Variants in GAS2L1 observed in about 807,000 individuals in gnomAD.
GAS2L1 encodes the protein GAS2-like protein 1.
A neutral mutation model predicts 44.0 loss-of-function variants in GAS2L1; 26 were observed. That is an observed-to-expected ratio of 0.59 (90% CI 0.43 to 0.82). GAS2L1 has a LOEUF of 0.82. Among genes scored for constraint, GAS2L1 ranks in the 40% least tolerant of loss-of-function variants. The pLI is 0.00. For missense variants in GAS2L1, 1,006 were observed against 983.0 expected, an observed-to-expected ratio of 1.02 and a Z score of -0.31; for synonymous variants, 426 against 415.9, an observed-to-expected ratio of 1.02 and a Z score of -0.30.
chr22:29,308,868 G>A (rs765975642), intron 1 of GAS2L1, 130 bp downstream of exon 2: 11 of 710,504 alleles, frequency 1.5e-5, no homozygotes, highest in Non-Finnish European at 2.3e-5. Flanking sequence ...TGCACATGTT[G>A]AGCACCAAAC....
exon 5 of GAS2L1, chr22:29,312,258 G>T: frequency 6.2e-7 from 1 of 1,612,206 alleles, no homozygotes; most frequent in Non-Finnish European, 8.5e-7. Context: ...CAGCTCCTCC[G>T]ATGAAGGCAG....
At position 29,308,667 on chromosome 22, in the gene GAS2L1, G is replaced by GC. The variant is rs1325649633; in HGVS notation, c.567dup (p.Ala190ArgfsTer34). 6.5e-7 allele frequency: 1 copy of GC among 1,529,140 alleles called. No individual in the cohort carries two copies. 94.7% of individuals were successfully genotyped at this position (1,529,140 alleles called of 1,614,324 possible). A position where few individuals can be genotyped will look rare whatever the true frequency, so the allele number is the denominator to read the frequency against. On this transcript the variant is annotated frameshift_variant, in exon 1 of 5. Coordinates refer to ENST00000618518, the Ensembl canonical transcript of GAS2L1. LOFTEE classifies it high-confidence loss of function. Reference sequence around the variant, plus strand: ...CGCTGGGGAGGACACCACTGAAACCGCCCCCGCACCAGGGACTCCTGCCCG... The same window carrying GC: ...CGCTGGGGAGGACACCACTGAAACCGCCCCCCGCACCAGGGACTCCTGCCCG...
At position 29,312,231 on chromosome 22, in the gene GAS2L1, C is replaced by T. The variant is rs574763262; in HGVS notation, c.1780C>T (p.Arg594Ter). ...GACGGCCAATGGGCTGCCTGGGCCC[C>T]GAAGCCAAGCCCTTTCCAGCTCCTC... Residue 594 changes from arginine (R) to a stop codon, truncating the protein, a stop_gained, in exon 5 of 5, where the codon CGA becomes TGA. Coordinates refer to ENST00000618518, the Ensembl canonical transcript of GAS2L1. LOFTEE classifies it high-confidence loss of function. 4.3e-6 allele frequency: 7 copies of T among 1,613,002 alleles called. No individual in the cohort carries two copies. The highest frequency in any genetic ancestry group is 5.9e-6 in the Non-Finnish European group (7 of 1,179,818).
exon 5 of GAS2L1, chr22:29,311,822 G>C: frequency 6.3e-7 from 1 of 1,590,170 alleles, no homozygotes; most frequent in South Asian, 1.1e-5. Flanking sequence ...AGCACTCATG[G>C]GTGCCAAGGG....
exon 1 of GAS2L1, chr22:29,308,374 A>C (rs757900487): frequency 6.2e-7 from 1 of 1,606,892 alleles, no homozygotes; most frequent in Non-Finnish European, 8.5e-7. Context: ...TTCCAGGCGC[A>C]CAGTGTAGTG....
chr22:29,310,874 G>A (rs1287202525), exon 4 of GAS2L1: 2 of 1,612,968 alleles, frequency 1.2e-6, no homozygotes, highest in African/African-American at 2.7e-5. Flanking sequence ...TCCACAGAGG[G>A]TGTCGCCCAC....
chr22:29,310,451 C>T, exon 2 of GAS2L1: 1 of 1,601,520 alleles, frequency 6.2e-7, no homozygotes, highest in East Asian at 2.2e-5. Context: ...GAGGGAGATT[C>T]TGGGCCGCTG....
exon 1 of GAS2L1, chr22:29,308,119 T>G: frequency 2.6e-6 from 4 of 1,558,626 alleles, no homozygotes; most frequent in Non-Finnish European, 3.5e-6. Flanking sequence ...GCAGACCCAG[T>G]GGCGGGCATC....
At chr22:29,307,090 G>C (rs1173474262) in exon 1 of GAS2L1, 1 of 151,902 alleles carries the variant, frequency 6.6e-6, no homozygotes, top group Non-Finnish European at 1.5e-5. Context: ...GCCTCCCTGC[G>C]GCGGCCCGGC....
At chr22:29,311,781 G>A in exon 5 of GAS2L1, 1 of 1,561,562 alleles carries the variant, frequency 6.4e-7, no homozygotes, top group South Asian at 1.2e-5. Flanking sequence ...GGAGCAGGCT[G>A]TGCTGCTTGT....
exon 5 of GAS2L1, chr22:29,312,357 A>G (rs1241062962): frequency 6.2e-7 from 1 of 1,604,090 alleles, no homozygotes; most frequent in South Asian, 1.1e-5. Context: ...ACGGGGTCGG[A>G]TGGACACACA....
exon 5 of GAS2L1, chr22:29,311,531 C>T (rs1477010249): frequency 1.3e-6 from 2 of 1,542,334 alleles, no homozygotes; most frequent in Non-Finnish European, 1.7e-6. Flanking sequence ...CCTCAGCCTC[C>T]TCCGCCCAGA....
intron 1 of GAS2L1, among the ~76,000 whole-genome samples, chr22:29,309,143 G>A (rs977975612): frequency 2.0e-5 from 3 of 152,196 alleles, no homozygotes; most frequent in African/African-American, 4.8e-5. Flanking sequence ...GAGGTTGAGC[G>A]GGTGCTGTGA....
In GAS2L1 at chr22:29,308,741, G is replaced by T; in HGVS notation, c.633+3G>T. 1 of 1,486,456 alleles carries T rather than the reference G, an allele frequency of 6.7e-7. No individual in the cohort carries two copies. Among genetic ancestry groups the T allele is most frequent in the East Asian group, 2.3e-5 (1 of 42,732 alleles). The allele number at this position is 1,486,456 out of a possible 1,614,324, so 92.1% of individuals were successfully genotyped here. Reference sequence around the variant, plus strand: ...ACCTGCGCAACCTCGACGAGCTGGTGAGTCCCCCAGCACCAGGTGCCAGGG... The same window carrying T: ...ACCTGCGCAACCTCGACGAGCTGGTTAGTCCCCCAGCACCAGGTGCCAGGG... On this transcript the variant is annotated splice_donor_region_variant and intron_variant, in intron 1 of 4. Transcript: ENST00000618518.
chr22:29,311,808 G>A (rs1408319754), exon 5 of GAS2L1: 3 of 1,585,918 alleles, frequency 1.9e-6, no homozygotes, highest in Non-Finnish European at 2.6e-6. Flanking sequence ...GGATCGAGAC[G>A]GGCAGCACTC....
At chr22:29,310,303 G>C in intron 1 of GAS2L1, 136 bp from the exon 3 acceptor site, 1 of 636,198 alleles carries the variant, frequency 1.6e-6, no homozygotes, top group Non-Finnish European at 2.9e-6. Context: ...TGTGGAAGCT[G>C]TACCCCATCC....
chr22:29,308,270 G>C (rs750747513), exon 1 of GAS2L1: 21 of 1,608,318 alleles, frequency 1.3e-5, no homozygotes, highest in Non-Finnish European at 1.7e-5. Flanking sequence ...TCCTGACAGG[G>C]CTGGCCACGG....
chr22:29,309,238 C>T (rs899243999), intron 1 of GAS2L1, among the ~76,000 whole-genome samples: 1 of 152,180 alleles, frequency 6.6e-6, no homozygotes, highest in Non-Finnish European at 1.5e-5. Context: ...CAGGTCTCCC[C>T]ACTCCCCAGG....
exon 5 of GAS2L1, chr22:29,311,947 C>T (rs375100929): frequency 1.9e-6 from 3 of 1,606,368 alleles, no homozygotes; most frequent in African/African-American, 1.3e-5. Flanking sequence ...GGCACCACAC[C>T]GGCCAGCATC....
Sources: gnomAD v4.1 joint callset for allele counts (sites outside exome capture counted in the v4.1 genomes callset) on GRCh38, gnomAD v4.1.1 for gene constraint, MANE v1.5 for transcripts, NCBI Gene and HGNC (gene_info 2026-07-23, HGNC 2026-07-21) for gene names.